The following LRBA variants were observed in gnomAD, a reference collection of about 807,000 sequenced individuals.
LRBA encodes the protein LPS responsive beige-like anchor protein, also known as lipopolysaccharide-responsive and beige-like anchor protein.
In LRBA, 176 loss-of-function variants were observed where a neutral mutation model predicts 330.0. The ratio of observed to expected loss-of-function variants is 0.53; its 90% CI spans 0.47 to 0.60. The LOEUF is 0.60. Ranked by LOEUF, LRBA falls within the 20% of genes least tolerant of loss-of-function variation. The pLI is 0.00. For missense variants in LRBA, 3,259 were observed against 3,444.8 expected (o/e 0.95, Z 1.35); for synonymous variants, 1,230 against 1,193.0 (o/e 1.03, Z -0.64).
intron 28 of LRBA, among the ~76,000 whole-genome samples, chr4:150,836,463 T>C (rs1748097183): frequency 6.6e-6 from 1 of 152,180 alleles, no homozygotes; most frequent in African/African-American, 2.4e-5. Flanking sequence ...CTATTAATTA[T>C]TGCCTCAATT....
intron 47 of LRBA, among the ~76,000 whole-genome samples, chr4:150,391,366 G>C (rs1467604894): frequency 1.3e-5 from 2 of 152,150 alleles, no homozygotes; most frequent in Non-Finnish European, 2.9e-5. Context: ...TTTTTGGTCT[G>C]TATGAAAGAT....
intron 37 of LRBA, among the ~76,000 whole-genome samples, chr4:150,603,011 C>G (rs1774275447): frequency 6.6e-6 from 1 of 152,276 alleles, no homozygotes; most frequent in East Asian, 1.9e-4. Context: ...TATATTAATA[C>G]TACACAACAC....
intron 2 of LRBA, among the ~76,000 whole-genome samples, chr4:150,942,656 C>T (rs1233097688): frequency 6.6e-6 from 1 of 152,130 alleles, no homozygotes; most frequent in Non-Finnish European, 1.5e-5. Flanking sequence ...ATATTATCAA[C>T]AAACTCACAA....
rs763305209 is a variant in LRBA, at chr4:150,588,330, C to T, written c.6194-146G>A. 7 of 685,900 alleles carry T rather than the reference C, an allele frequency of 1.0e-5. No homozygotes were observed. The South Asian group carries it at 1.1e-4, about 10-fold the overall frequency. 42.5% of individuals were successfully genotyped at this position (685,900 alleles called of 1,614,324 possible). On this transcript the variant is annotated intron_variant, in intron 39 of 56. Transcript: ENST00000651943. ...TACTTCTACAGTTAAATATTCTGTC[C>T]ACCCCAAATCTTCCTCTGAAAATGC...
intron 40 of LRBA, among the ~76,000 whole-genome samples, chr4:150,526,068 G>A (rs1238352482): frequency 3.9e-5 from 6 of 152,052 alleles, no homozygotes; most frequent in Non-Finnish European, 7.4e-5. Flanking sequence ...TCATTTGTGA[G>A]GAATATATTT....
At chr4:151,002,473 G>C (rs1344323902) in intron 2 of LRBA, among the ~76,000 whole-genome samples, 2 of 151,562 alleles carry the variant, frequency 1.3e-5, no homozygotes, top group East Asian at 3.9e-4. Flanking sequence ...GCTGAGGCAG[G>C]AGAATCACTT....
chr4:150,595,817 T>A (rs971188430), intron 38 of LRBA, among the ~76,000 whole-genome samples: 1 of 151,942 alleles, frequency 6.6e-6, no homozygotes, highest in Non-Finnish European at 1.5e-5. Context: ...GACTAGATGT[T>A]AGCCTTAGGT....
rs191400808 is a variant in LRBA, at chr4:150,522,710, C to G, written c.6331-31675G>C. Reference sequence around the variant, plus strand: ...GGGCCAGGTGCAGTTCAGGCCACCTCTCTGGAGGACATAAGTGATAAGCCT... The same window carrying G: ...GGGCCAGGTGCAGTTCAGGCCACCTGTCTGGAGGACATAAGTGATAAGCCT... On this transcript the variant is annotated intron_variant, in intron 40 of 56. Coordinates refer to ENST00000651943, the MANE Select transcript of LRBA (RefSeq NM_001364905.1). Among the ~76,000 whole-genome samples, 382 of 152,338 alleles carry G rather than the reference C, an allele frequency of 2.5e-3. 2 individuals are homozygous for G. The highest frequency in any genetic ancestry group is 4.2e-3 in the Non-Finnish European group (283 of 68,034).
chr4:150,758,413 AC>A (rs1734603880), intron 35 of LRBA, among the ~76,000 whole-genome samples: 1 of 152,034 alleles, frequency 6.6e-6, no homozygotes, highest in Admixed American at 6.6e-5. Flanking sequence ...TTCTCTCACA[AC>A]CCACATCCAA....
intron 36 of LRBA, among the ~76,000 whole-genome samples, chr4:150,706,252 C>A (rs956906903): frequency 1.3e-5 from 2 of 151,768 alleles, no homozygotes; most frequent in African/African-American, 2.4e-5. Context: ...GCTAGCTTGA[C>A]ACTAGTATAT....
intron 46 of LRBA, 111 bp downstream of exon 46, chr4:150,435,478 T>G: frequency 1.3e-5 from 12 of 940,938 alleles, no homozygotes; most frequent in Non-Finnish European, 1.7e-5. Context: ...ACTTATCTTC[T>G]GAGATTTATC....
intron 40 of LRBA, among the ~76,000 whole-genome samples, chr4:150,551,270 G>A (rs958054539): frequency 1.3e-5 from 2 of 152,046 alleles, no homozygotes; most frequent in Admixed American, 1.3e-4. Context: ...CTAGTCTCTG[G>A]TATTCTGTAA....
At chr4:150,654,625 G>A (rs1227025953) in intron 37 of LRBA, among the ~76,000 whole-genome samples, 1 of 152,122 alleles carries the variant, frequency 6.6e-6, no homozygotes, top group African/African-American at 2.4e-5. Flanking sequence ...CATGTGCCAT[G>A]TTGGTGTGCT....
At chr4:150,685,414 ATATATATTTTTTT>A (rs1447712075) in intron 36 of LRBA, among the ~76,000 whole-genome samples, 1 of 19,400 alleles carries the variant, frequency 5.2e-5, no homozygotes, top group Non-Finnish European at 9.5e-5. Context: ...ATATATATAT[ATATATATTTTTTT>A]TTTTTTTTTT....
At chr4:150,322,378 G>A (rs958032193) in intron 49 of LRBA, among the ~76,000 whole-genome samples, 1 of 152,072 alleles carries the variant, frequency 6.6e-6, no homozygotes, top group Non-Finnish European at 1.5e-5. Context: ...TACAGTAATT[G>A]CACTGTACAT....
At chr4:150,456,507 T>C (rs1754088155) in intron 44 of LRBA, among the ~76,000 whole-genome samples, 1 of 152,174 alleles carries the variant, frequency 6.6e-6, no homozygotes, top group African/African-American at 2.4e-5. Flanking sequence ...TGTGCCCATT[T>C]AAAAAATTGG....
intron 38 of LRBA, among the ~76,000 whole-genome samples, chr4:150,593,586 A>G (rs1773149519): frequency 6.6e-6 from 1 of 152,252 alleles, no homozygotes. Context: ...GAATGTGTAT[A>G]TAATTAATTT....
In LRBA at chr4:150,760,896, C is replaced by T. The variant is rs72738353; in HGVS notation, c.5645+887G>A. Among the ~76,000 whole-genome samples, 244 of 152,250 alleles carry T rather than the reference C, an allele frequency of 1.6e-3. 1 individual carries two copies. The highest frequency in any genetic ancestry group is 3.6e-3 in the Admixed American group (55 of 15,288). On this transcript the variant is annotated intron_variant, in intron 35 of 56. Coordinates refer to ENST00000651943, the MANE Select transcript of LRBA (RefSeq NM_001364905.1). The stretch of plus-strand genomic sequence containing the variant: ...TAGTATTTAAAATCAAATAAAGTTA[C>T]GAATACTCTTTTCGCCCTTTTCCAT...
At chr4:150,647,346 CTTTTTCTTTTT>C (rs1779242195) in intron 37 of LRBA, among the ~76,000 whole-genome samples, 1 of 65,548 alleles carries the variant, frequency 1.5e-5, no homozygotes, top group Non-Finnish European at 3.5e-5. Context: ...AAAATGATTA[CTTTTTCTTTTT>C]TTTTTTTTTT....
Sources: gnomAD v4.1 joint callset for allele counts (sites outside exome capture counted in the v4.1 genomes callset) on GRCh38, gnomAD v4.1.1 for gene constraint, MANE v1.5 for transcripts, NCBI Gene and HGNC (gene_info 2026-07-23, HGNC 2026-07-21) for gene names.